The following EPB41L3 variants were observed in gnomAD, a reference collection of about 807,000 sequenced individuals.
EPB41L3 encodes band 4.1-like protein 3.
EPB41L3 carries 57 observed loss-of-function variants against 127.1 expected under a neutral mutation model. The ratio of observed to expected loss-of-function variants is 0.45; its 90% CI spans 0.36 to 0.56. The LOEUF (loss-of-function observed/expected upper bound fraction) is 0.56. Among genes scored for constraint, EPB41L3 ranks in the 20% least tolerant of loss-of-function variants. The pLI is 0.00. For synonymous variants in EPB41L3, 572 were observed against 549.5 expected (o/e 1.04, Z -0.57); for missense variants, 1,273 against 1,372.2 (o/e 0.93, Z 1.14).
At chr18:5,411,050 CA>C (rs1315088192) in intron 13 of EPB41L3, among the ~76,000 whole-genome samples, 1 of 152,148 alleles carries the variant, frequency 6.6e-6, no homozygotes, top group Non-Finnish European at 1.5e-5. Flanking sequence ...ATGAAAATGT[CA>C]ATTTACAGAA....
chr18:5,571,573 T>C (rs1334549974), intron 3 of EPB41L3, among the ~76,000 whole-genome samples: 1 of 152,174 alleles, frequency 6.6e-6, no homozygotes, highest in African/African-American at 2.4e-5. Flanking sequence ...ATTTTAAACG[T>C]TTACAAATTA....
Position 5,439,219 on chromosome 18 carries a change from C to T in EPB41L3, c.530-1109G>A, listed in dbSNP as rs146960986. 9.0e-4 allele frequency among the ~76,000 whole-genome samples: 137 copies of T among 151,992 alleles called. 1 individual carries two copies. The highest frequency in any genetic ancestry group is 3.2e-3 in the African/African-American group (132 of 41,464). Reference sequence around the variant, plus strand: ...CACCCTGGAGGTCTTTCACCCATGCCTCACCCAGCGGCCACCGACTTGCCC... The same window carrying T: ...CACCCTGGAGGTCTTTCACCCATGCTTCACCCAGCGGCCACCGACTTGCCC... On this transcript the variant is annotated intron_variant, in intron 5 of 22. Transcript: ENST00000341928.
At position 5,469,871 on chromosome 18, in the gene EPB41L3, C is replaced by T. The variant is rs191839080; in HGVS notation, c.381+8370G>A. On this transcript the variant is annotated intron_variant, in intron 3 of 22. Transcript: ENST00000341928. Reference sequence around the variant, plus strand: ...TCACTGCAACCTCTGCCTCCCGGGTCCCGGTTCAAGCAAGTCTCCTGCCTC... The same window carrying T: ...TCACTGCAACCTCTGCCTCCCGGGTTCCGGTTCAAGCAAGTCTCCTGCCTC... Among the ~76,000 whole-genome samples the T allele has an allele frequency of 5.7e-4, 86 of 151,454 alleles. No individual in the cohort carries two copies. The East Asian group carries it at 0.016, about 28-fold the overall frequency.
At chr18:5,628,792 C>A (rs1168414317) in intron 1 of EPB41L3, 4 of 151,706 alleles carry the variant, frequency 2.6e-5, no homozygotes, top group Non-Finnish European at 5.9e-5. Flanking sequence ...CCCTGCGGAC[C>A]CCGGCTCAAC....
intron 22 of EPB41L3, chr18:5,394,297 G>A (rs2072944522): frequency 6.0e-6 from 1 of 167,072 alleles, no homozygotes; most frequent in African/African-American, 2.4e-5. Flanking sequence ...CACACAAATT[G>A]AGCCTCTCAG....
intron 1 of EPB41L3, among the ~76,000 whole-genome samples, chr18:5,617,888 T>C (rs1319030866): frequency 6.6e-6 from 1 of 152,130 alleles, no homozygotes; most frequent in Non-Finnish European, 1.5e-5. Context: ...AGATGAGGGA[T>C]TCAAGAAGGA....
intron 1 of EPB41L3, among the ~76,000 whole-genome samples, chr18:5,623,985 G>T (rs925855512): frequency 6.6e-6 from 1 of 151,812 alleles, no homozygotes; most frequent in Non-Finnish European, 1.5e-5. Context: ...ATAAGAAATT[G>T]AATCTTCTAA....
At chr18:5,524,249 A>G (rs2093130367) in intron 1 of EPB41L3, among the ~76,000 whole-genome samples, 1 of 151,642 alleles carries the variant, frequency 6.6e-6, no homozygotes, top group African/African-American at 2.4e-5. Context: ...GCTGGAGTGC[A>G]GCGGCGCAAT....
chr18:5,397,978 A>G lies in EPB41L3; in HGVS notation c.2472+43T>C, dbSNP rs758640176. 6.2e-7 allele frequency: 1 copy of G among 1,613,596 alleles called. No homozygotes were observed. Among genetic ancestry groups the G allele is most frequent in the South Asian group, 1.1e-5 (1 of 91,028 alleles). On this transcript the variant is annotated intron_variant, in intron 17 of 22. Transcript: ENST00000341928. The surrounding 1 kb of genome is among the most constrained non-coding windows in gnomAD (Gnocchi z 4.1). ...CCAAAAAAAGGGTAAGGAAAGGCAC[A>G]TGGGCACATTCAGAAACACCAAGGA...
intron 3 of EPB41L3, among the ~76,000 whole-genome samples, chr18:5,552,580 G>A (rs2093981066): frequency 6.6e-6 from 1 of 152,112 alleles, no homozygotes; most frequent in African/African-American, 2.4e-5. Context: ...TGGATCTAGC[G>A]ATTTTCCCCA....
intron 19 of EPB41L3, 70 bp from the exon 20 acceptor site, chr18:5,395,777 T>A (rs2143665466): frequency 8.5e-7 from 1 of 1,180,252 alleles, no homozygotes; most frequent in African/African-American, 1.5e-5. Context: ...GGCTACGTTA[T>A]TTAAGGCATT....
At chr18:5,505,732 A>ACACCTTCACCTCCACCCCTACCC in intron 1 of EPB41L3, among the ~76,000 whole-genome samples, 1 of 15,458 alleles carries the variant, frequency 6.5e-5, no homozygotes, top group African/African-American at 2.9e-4. Context: ...CACCCCTACC[A>ACACCTTCACCTCCACCCCTACCC]TCCACACCTT....
At chr18:5,529,668 C>T (rs933968420) in intron 1 of EPB41L3, among the ~76,000 whole-genome samples, 2 of 152,256 alleles carry the variant, frequency 1.3e-5, no homozygotes, top group Admixed American at 6.5e-5. Context: ...AATCACATTG[C>T]CCCAGCTCCA....
intron 9 of EPB41L3, among the ~76,000 whole-genome samples, chr18:5,424,953 C>T (rs1471219594): frequency 1.3e-5 from 2 of 152,128 alleles, no homozygotes; most frequent in African/African-American, 2.4e-5. Context: ...ATTGGGGGAA[C>T]ATATTTTCAT....
chr18:5,566,730 T>G (rs574030829), intron 3 of EPB41L3, among the ~76,000 whole-genome samples: 2 of 82,216 alleles, frequency 2.4e-5, no homozygotes, highest in Non-Finnish European at 5.3e-5. Context: ...TTCCATTCTA[T>G]TCTATTCTAT....
intron 1 of EPB41L3, among the ~76,000 whole-genome samples, chr18:5,514,144 T>C (rs919904635): frequency 8.5e-5 from 13 of 152,220 alleles, no homozygotes; most frequent in African/African-American, 3.1e-4. Context: ...TATGCAGTGA[T>C]TACTTCAGTA....
At chr18:5,481,502 T>C (rs1458981825) in intron 2 of EPB41L3, among the ~76,000 whole-genome samples, 2 of 152,196 alleles carry the variant, frequency 1.3e-5, no homozygotes, top group African/African-American at 4.8e-5. Context: ...GCCAACCAGC[T>C]TTCCCACCTT....
intron 3 of EPB41L3, among the ~76,000 whole-genome samples, chr18:5,601,942 AG>A (rs766205353): frequency 4.3e-4 from 66 of 152,170 alleles, no homozygotes; most frequent in Non-Finnish European, 6.8e-4. Flanking sequence ...TTGATGACGG[AG>A]GTGATTTTTT....
chr18:5,524,748 G>C (rs2093156010), intron 1 of EPB41L3, among the ~76,000 whole-genome samples: 2 of 152,168 alleles, frequency 1.3e-5, no homozygotes, highest in Non-Finnish European at 2.9e-5. Flanking sequence ...CCATCCATGG[G>C]GAATGTTTCT....
Sources: gnomAD v4.1 joint callset for allele counts (sites outside exome capture counted in the v4.1 genomes callset) on GRCh38, gnomAD v4.1.1 for gene constraint, Gnocchi (gnomAD v3.1) non-coding constraint, MANE v1.5 for transcripts, NCBI Gene and HGNC (gene_info 2026-07-23, HGNC 2026-07-21) for gene names.